GALNT17: variants seen among roughly 807,000 people sequenced by gnomAD.
GALNT17 encodes UDP-GalNAc:polypeptide N-acetylgalactosaminyltransferase-like 3.
Under a neutral mutation model 63.7 loss-of-function variants are expected in GALNT17, and 29 were observed. The ratio of observed to expected loss-of-function variants is 0.46; its 90% confidence interval spans 0.34 to 0.62. The LOEUF (loss-of-function observed/expected upper bound fraction) is 0.62. GALNT17 is among the 20% of genes least tolerant of loss of function. GALNT17 has a pLI of 0.01. For synonymous variants in GALNT17, 305 were observed against 318.3 expected (o/e 0.96, Z 0.45); for missense variants, 603 against 799.6 (o/e 0.75, Z 2.97).
chr7:71,453,169 G>A (rs927022192), intron 5 of GALNT17, among the ~76,000 whole-genome samples: 1 of 152,112 alleles, frequency 6.6e-6, no homozygotes, highest in African/African-American at 2.4e-5. Flanking sequence ...AGTTGCGAGT[G>A]GCTGCCTGGG....
At chr7:71,299,907 A>G (rs1419892455) in intron 1 of GALNT17, among the ~76,000 whole-genome samples, 2 of 152,132 alleles carry the variant, frequency 1.3e-5, no homozygotes, top group Non-Finnish European at 2.9e-5. Context: ...CTGGAATTAC[A>G]GGTGCCTGCC....
intron 6 of GALNT17, among the ~76,000 whole-genome samples, chr7:71,625,873 A>T (rs568999072): frequency 1.3e-5 from 2 of 152,208 alleles, no homozygotes; most frequent in African/African-American, 4.8e-5. Context: ...GTATTTGGAG[A>T]TAGGGTCTTT....
At chr7:71,193,226 G>A (rs543416226) in intron 1 of GALNT17, among the ~76,000 whole-genome samples, 2 of 152,018 alleles carry the variant, frequency 1.3e-5, no homozygotes, top group East Asian at 3.9e-4. Flanking sequence ...AGCCTCCTGA[G>A]CATCTGGGAC....
At chr7:71,400,111 G>C (rs1035919193) in intron 3 of GALNT17, among the ~76,000 whole-genome samples, 1 of 152,130 alleles carries the variant, frequency 6.6e-6, no homozygotes, top group Admixed American at 6.5e-5. Context: ...TTCAAGCCCT[G>C]CATGCATTAG....
chr7:71,570,385 A>G (rs1356528702), intron 5 of GALNT17, among the ~76,000 whole-genome samples: 1 of 152,016 alleles, frequency 6.6e-6, no homozygotes, highest in African/African-American at 2.4e-5. Context: ...ACCCTGGTCC[A>G]CTTTCTTCCA....
At chr7:71,508,488 C>A (rs1016314499) in intron 5 of GALNT17, among the ~76,000 whole-genome samples, 1 of 152,142 alleles carries the variant, frequency 6.6e-6, no homozygotes, top group Non-Finnish European at 1.5e-5. Flanking sequence ...GAGCATTTGC[C>A]TGCCTTTCTG....
chr7:71,625,138 T>TTTTA (rs35041454), intron 6 of GALNT17, among the ~76,000 whole-genome samples: 77,425 of 149,684 alleles, frequency 0.52, 22,808 homozygotes, highest in East Asian at 0.78. Flanking sequence ...CAGCCTTTGT[T>TTTTA]TTTATTTATT....
At chr7:71,531,935 C>G (rs544001191) in intron 5 of GALNT17, among the ~76,000 whole-genome samples, 15 of 152,288 alleles carry the variant, frequency 9.8e-5, no homozygotes, top group Non-Finnish European at 2.1e-4. Context: ...GAAGCAGCTT[C>G]CAATCCCTAG....
At chr7:71,686,653 G>A (rs1376431937) in intron 9 of GALNT17, among the ~76,000 whole-genome samples, 1 of 152,026 alleles carries the variant, frequency 6.6e-6, no homozygotes, top group Non-Finnish European at 1.5e-5. Context: ...GCCTCCCAAA[G>A]TGCTGGGATG....
chr7:71,694,769 A>G (rs541990093), intron 9 of GALNT17, among the ~76,000 whole-genome samples: 31 of 152,346 alleles, frequency 2.0e-4, no homozygotes, highest in African/African-American at 7.5e-4. Flanking sequence ...CCATAAAATC[A>G]TTAAGTAGCA....
intron 6 of GALNT17, among the ~76,000 whole-genome samples, chr7:71,600,678 G>C (rs1018391518): frequency 3.9e-5 from 6 of 152,176 alleles, no homozygotes; most frequent in Non-Finnish European, 5.9e-5. Flanking sequence ...GTCCCTGGAG[G>C]AATGGGACCT....
At chr7:71,692,727 T>C (rs1296074874) in intron 9 of GALNT17, among the ~76,000 whole-genome samples, 1 of 121,050 alleles carries the variant, frequency 8.3e-6, no homozygotes, top group African/African-American at 3.1e-5. Flanking sequence ...AATTTTTTTA[T>C]TTTTATTCTA....
rs1563063497 is a variant in GALNT17, at chr7:71,397,941, T to TCGTTG, written c.589+9540_589+9541insCGTTG. On this transcript the variant is annotated intron_variant, in intron 3 of 10. Transcript: ENST00000333538. ...TTGATGGTTTTGCTCCATTATTGTC[T>TCGTTG]TTGTTGTTGTTGTTGTTGTTGTTGT... Among the ~76,000 whole-genome samples, 543 of 150,808 alleles carry TCGTTG rather than the reference T, an allele frequency of 3.6e-3. 3 individuals are homozygous for TCGTTG. Among genetic ancestry groups the TCGTTG allele is most frequent in the Middle Eastern group, 0.01 (3 of 294 alleles).
At chr7:71,617,665 T>C (rs1790233421) in intron 6 of GALNT17, among the ~76,000 whole-genome samples, 1 of 149,454 alleles carries the variant, frequency 6.7e-6, no homozygotes, top group Non-Finnish European at 1.5e-5. Flanking sequence ...TGTTTTGAGA[T>C]GGAATCTCGC....
At chr7:71,457,362 G>T (rs1245717241) in intron 5 of GALNT17, among the ~76,000 whole-genome samples, 1 of 152,098 alleles carries the variant, frequency 6.6e-6, no homozygotes, top group Non-Finnish European at 1.5e-5. Context: ...GTGATTCTGG[G>T]GTTATTTTGT....
intron 5 of GALNT17, among the ~76,000 whole-genome samples, chr7:71,501,665 A>T (rs999980214): frequency 1.3e-5 from 2 of 152,012 alleles, no homozygotes; most frequent in Non-Finnish European, 2.9e-5. Context: ...AGGGACTCTT[A>T]GTGCAGGGCA....
chr7:71,135,219 A>C (rs1480706352), intron 1 of GALNT17, among the ~76,000 whole-genome samples: 1 of 152,164 alleles, frequency 6.6e-6, no homozygotes, highest in Non-Finnish European at 1.5e-5. Flanking sequence ...TCATAGGAAT[A>C]ATAAAATTCT....
chr7:71,669,877 T>C, intron 7 of GALNT17, 95 bp from the exon 8 acceptor site: 1 of 1,502,302 alleles, frequency 6.7e-7, no homozygotes, highest in Non-Finnish European at 9.0e-7. Flanking sequence ...TAAGATCTTC[T>C]ATGTGAAGGT....
intron 1 of GALNT17, among the ~76,000 whole-genome samples, chr7:71,274,780 A>G (rs1243053005): frequency 2.0e-5 from 3 of 152,234 alleles, no homozygotes; most frequent in African/African-American, 7.2e-5. Context: ...GTGGATGTCC[A>G]GGTACCCCGC....
Sources: allele counts gnomAD v4.1 joint callset (sites outside exome capture counted in the v4.1 genomes callset), GRCh38; gene constraint gnomAD v4.1.1; transcripts MANE v1.5; gene names NCBI Gene and HGNC (gene_info 2026-07-23, HGNC 2026-07-21).